Variants in C10orf67 observed in about 807,000 individuals in gnomAD.
The protein encoded by C10orf67 is uncharacterized protein C10orf67, mitochondrial.
A neutral mutation model predicts 35.6 loss-of-function variants in C10orf67; 60 were observed. The ratio of observed to expected loss-of-function variants is 1.68; its 90% confidence interval spans 1.37 to 2.09. C10orf67 has a LOEUF of 2.09. Ranked by LOEUF, C10orf67 falls within the 30% of genes most tolerant of loss-of-function variation. The pLI, the probability that C10orf67 is intolerant of heterozygous loss-of-function variation, is 0.00. For missense variants in C10orf67, 474 were observed against 330.2 expected (o/e 1.44, Z -3.38); for synonymous variants, 167 against 115.8 (o/e 1.44, Z -2.84).
At chr10:23,286,791 T>C (rs1489885397) in intron 7 of C10orf67, among the ~76,000 whole-genome samples, 3 of 152,162 alleles carry the variant, frequency 2.0e-5, no homozygotes, top group African/African-American at 4.8e-5. Flanking sequence ...ATTTACATTA[T>C]TGTCACTGCA....
chr10:23,307,885 C>A (rs2132298318), intron 4 of C10orf67, among the ~76,000 whole-genome samples: 1 of 152,224 alleles, frequency 6.6e-6, no homozygotes, highest in East Asian at 1.9e-4. Context: ...TCCCAAAGTC[C>A]TGGGACTACA....
intron 4 of C10orf67, among the ~76,000 whole-genome samples, chr10:23,311,883 C>G (rs1165851475): frequency 6.6e-6 from 1 of 152,050 alleles, no homozygotes; most frequent in Non-Finnish European, 1.5e-5. Flanking sequence ...TGTTAGTTTG[C>G]AACATTTAAA....
intron 12 of C10orf67, among the ~76,000 whole-genome samples, chr10:23,242,678 C>T (rs948540131): frequency 6.6e-6 from 1 of 151,834 alleles, no homozygotes; most frequent in Non-Finnish European, 1.5e-5. Context: ...AAATTGGTAT[C>T]AACAGTAATT....
At chr10:23,337,707 A>C (rs1845740195) in intron 1 of C10orf67, among the ~76,000 whole-genome samples, 1 of 152,208 alleles carries the variant, frequency 6.6e-6, no homozygotes, top group Non-Finnish European at 1.5e-5. Context: ...GTCAAGGTTA[A>C]TGAGGGGAAA....
At chr10:23,300,168 C>T (rs1378588371) in intron 5 of C10orf67, among the ~76,000 whole-genome samples, 1 of 152,066 alleles carries the variant, frequency 6.6e-6, no homozygotes, top group Non-Finnish European at 1.5e-5. Flanking sequence ...GGATCTTTGT[C>T]CCCTGGGGCA....
intron 7 of C10orf67, among the ~76,000 whole-genome samples, chr10:23,288,341 C>A (rs559085783): frequency 6.6e-6 from 1 of 152,100 alleles, no homozygotes; most frequent in Admixed American, 6.5e-5. Flanking sequence ...AAGCTGGAAG[C>A]CATCATCCTC....
intron 8 of C10orf67, among the ~76,000 whole-genome samples, chr10:23,279,988 G>C (rs1287260509): frequency 6.6e-6 from 1 of 151,952 alleles, no homozygotes; most frequent in Non-Finnish European, 1.5e-5. Context: ...CTGAGTAGGA[G>C]GACTGCAGGC....
At chr10:23,240,911 G>C (rs1018551584) in intron 12 of C10orf67, among the ~76,000 whole-genome samples, 1 of 152,284 alleles carries the variant, frequency 6.6e-6, no homozygotes, top group East Asian at 1.9e-4. Context: ...GCACTGAAAA[G>C]GACAGAGAAA....
chr10:23,229,720 A>ATACTT lies in C10orf67; in HGVS notation c.1435-5903_1435-5902insAAGTA, dbSNP rs534234522. ...AAACTGATTACAAACTACTTAGAGT[A>ATACTT]ATATGCAAATCATGTAAGTATAATA... On this transcript the variant is annotated intron_variant, in intron 13 of 15. Coordinates refer to ENST00000636213, the MANE Select transcript of C10orf67 (RefSeq NM_001371909.1). Among the ~76,000 whole-genome samples the ATACTT allele has an allele frequency of 2.0e-3, 311 of 152,274 alleles. 2 individuals are homozygous for ATACTT. Among genetic ancestry groups the ATACTT allele is most frequent in the African/African-American group, 7.1e-3 (296 of 41,572 alleles).
intron 10 of C10orf67, among the ~76,000 whole-genome samples, chr10:23,254,333 G>A (rs535648673): frequency 1.3e-4 from 20 of 152,104 alleles, no homozygotes; most frequent in Admixed American, 2.6e-4. Context: ...TCAACTTCCC[G>A]AGTAGCTGGG....
chr10:23,222,093 A>G (rs1291980908), intron 15 of C10orf67, among the ~76,000 whole-genome samples: 1 of 152,200 alleles, frequency 6.6e-6, no homozygotes, highest in Non-Finnish European at 1.5e-5. Flanking sequence ...CAATTTTATT[A>G]GTAAGGCAAA....
chr10:23,286,536 G>T (rs1843538606), intron 7 of C10orf67, among the ~76,000 whole-genome samples: 1 of 106,386 alleles, frequency 9.4e-6, no homozygotes, highest in South Asian at 4.2e-4. Context: ...AGGGTGGGAA[G>T]GGAAGGAAGG....
At chr10:23,267,149 C>T (rs1220166288) in intron 9 of C10orf67, 46 bp downstream of exon 9, 1 of 692,226 alleles carries the variant, frequency 1.4e-6, no homozygotes, top group South Asian at 1.6e-5. Flanking sequence ...ATCAGAGAAG[C>T]ACAAAATAAA....
intron 13 of C10orf67, among the ~76,000 whole-genome samples, chr10:23,235,886 GTGGGTGGATC>G (rs1214395542): frequency 6.6e-6 from 1 of 152,168 alleles, no homozygotes; most frequent in Non-Finnish European, 1.5e-5. Flanking sequence ...GGAGGCCAAG[GTGGGTGGATC>G]ACGAGGTCAG....
chr10:23,297,273 G>T (rs1843915477), intron 5 of C10orf67, among the ~76,000 whole-genome samples: 1 of 92,084 alleles, frequency 1.1e-5, no homozygotes, highest in South Asian at 4.2e-4. Flanking sequence ...TTTCCTTTCT[G>T]ATGACCCCAC....
chr10:23,226,983 G>A (rs1047262743), intron 13 of C10orf67, among the ~76,000 whole-genome samples: 14 of 152,130 alleles, frequency 9.2e-5, no homozygotes, highest in Non-Finnish European at 8.8e-5. Context: ...AGGACCAGAC[G>A]GATTCACAGC....
At chr10:23,273,932 G>C (rs1843104502) in intron 8 of C10orf67, among the ~76,000 whole-genome samples, 1 of 152,130 alleles carries the variant, frequency 6.6e-6, no homozygotes, top group African/African-American at 2.4e-5. Flanking sequence ...TTCAATGTAG[G>C]TTCTTTCTAT....
chr10:23,240,309 A>G (rs1564467499), intron 12 of C10orf67, among the ~76,000 whole-genome samples: 1 of 152,244 alleles, frequency 6.6e-6, no homozygotes, highest in Non-Finnish European at 1.5e-5. Flanking sequence ...CTCTGATTTT[A>G]AAAAGCATTT....
intron 4 of C10orf67, among the ~76,000 whole-genome samples, chr10:23,310,376 T>C (rs1844453623): frequency 6.6e-6 from 1 of 152,234 alleles, no homozygotes; most frequent in Admixed American, 6.5e-5. Context: ...GTTGAGCCTC[T>C]CTTTCTTTTA....
Sources: allele counts gnomAD v4.1 joint callset (sites outside exome capture counted in the v4.1 genomes callset), GRCh38; gene constraint gnomAD v4.1.1; transcripts MANE v1.5; gene names NCBI Gene and HGNC (gene_info 2026-07-23, HGNC 2026-07-21).